Variants in HSF2 observed in about 807,000 individuals in gnomAD.
The protein encoded by HSF2 is heat shock factor protein 2.
In HSF2, 21 loss-of-function variants were observed where a neutral mutation model predicts 65.0. That is an observed-to-expected ratio of 0.32 (90% CI 0.23 to 0.47). HSF2 has a LOEUF of 0.47. Ranked by LOEUF, HSF2 falls within the 20% of genes least tolerant of loss-of-function variation. The probability of loss-of-function intolerance (pLI) is 1.00; values close to 1 mark genes in which losing one functional copy is unlikely to be tolerated. For missense variants in HSF2, 499 were observed against 628.1 expected (o/e 0.79, Z 2.20); for synonymous variants, 225 against 219.1 (o/e 1.03, Z -0.24).
chr6:122,420,049 G>C (rs1774199300), intron 6 of HSF2, 86 bp from the exon 7 acceptor site: 1 of 1,286,752 alleles, frequency 7.8e-7, no homozygotes, highest in African/African-American at 1.5e-5. Flanking sequence ...GAGTGTGCAT[G>C]TGTGTGTGTT....
At chr6:122,424,724 G>A (rs895168544) in intron 10 of HSF2, among the ~76,000 whole-genome samples, 10 of 151,778 alleles carry the variant, frequency 6.6e-5, no homozygotes, top group Admixed American at 5.3e-4. Flanking sequence ...TCAACTTAGC[G>A]GTAACCTGAC....
chr6:122,400,233 G>T (rs1773696068), intron 1 of HSF2, among the ~76,000 whole-genome samples: 1 of 152,158 alleles, frequency 6.6e-6, no homozygotes, highest in Non-Finnish European at 1.5e-5. Context: ...AGGGGACAGG[G>T]AGCCCAGGGC....
chr6:122,405,743 C>G (rs1773856137), intron 1 of HSF2, among the ~76,000 whole-genome samples: 2 of 152,184 alleles, frequency 1.3e-5, no homozygotes, highest in African/African-American at 4.8e-5. Flanking sequence ...TATGCCCAAT[C>G]TATTTACATA....
At chr6:122,404,878 G>C (rs1013107891) in intron 1 of HSF2, among the ~76,000 whole-genome samples, 7 of 152,208 alleles carry the variant, frequency 4.6e-5, no homozygotes, top group African/African-American at 1.7e-4. Context: ...TGAATAAGGA[G>C]TGTATGTGAG....
In HSF2 at chr6:122,422,285, T is replaced by A; in HGVS notation, c.817T>A (p.Ser273Thr). ...VIPETNEDVI[S>T]DPSNCSQYPD... is the part of the protein sequence containing the mutation. The stretch of plus-strand genomic sequence containing the variant: ...TCCAGAAACTAATGAGGATGTTATA[T>A]CTGATCCCTCCAAGTAAGGAGTTTG... The change falls in exon 8 of 13, where the codon TCT (serine) becomes ACT (threonine). Residue 273 changes from serine to threonine, a missense_variant. Physicochemically the swap from Ser to Thr is moderately conservative, Grantham distance 58. Coordinates refer to ENST00000368455, the MANE Select transcript of HSF2 (RefSeq NM_004506.4). 1 of 1,598,510 alleles carries A rather than the reference T, an allele frequency of 6.3e-7. No individual in the cohort carries two copies. Among genetic ancestry groups the A allele is most frequent in the Non-Finnish European group, 8.6e-7 (1 of 1,167,308 alleles).
chr6:122,425,476 C>G (rs1176777919), intron 10 of HSF2, among the ~76,000 whole-genome samples: 2 of 152,044 alleles, frequency 1.3e-5, no homozygotes, highest in Non-Finnish European at 2.9e-5. Context: ...AAGTTATTCT[C>G]TCTCGCCTAG....
At position 122,431,429 on chromosome 6, in the gene HSF2, G is replaced by A; in HGVS notation, c.1231-1G>A. 6.8e-7 allele frequency: 1 copy of A among 1,463,490 alleles called. No individual in the cohort carries two copies. Among genetic ancestry groups the A allele is most frequent in the South Asian group, 1.5e-5 (1 of 68,180 alleles). 90.7% of individuals were successfully genotyped at this position (1,463,490 alleles called of 1,614,324 possible). On this transcript the variant is annotated splice_acceptor_variant, in intron 11 of 12. Transcript: ENST00000368455. LOFTEE classifies it high-confidence loss of function. The stretch of plus-strand genomic sequence containing the variant: ...CTTATATATATATTTTTTTCTTTTA[G>A]TCTGAGAATAAAGGATTAGAAACTA...
chr6:122,432,567 A>G lies in HSF2; in HGVS notation c.*347A>G, dbSNP rs1039779496. 18 of 211,544 alleles carry G rather than the reference A, an allele frequency of 8.5e-5. No homozygotes were observed. The highest frequency in any genetic ancestry group is 1.4e-4 in the Non-Finnish European group (15 of 104,614). The allele number at this position is 211,544 out of a possible 1,614,324, so 13.1% of individuals were successfully genotyped here. Reference sequence around the variant, plus strand: ...TTTGTTTTCCTGTTTGATGCTGTCTATTTGCATTGAGTGTAAGTCATTTGA... The same window carrying G: ...TTTGTTTTCCTGTTTGATGCTGTCTGTTTGCATTGAGTGTAAGTCATTTGA... On this transcript the variant is annotated 3_prime_UTR_variant, in exon 13 of 13. Coordinates refer to ENST00000368455, the MANE Select transcript of HSF2 (RefSeq NM_004506.4).
At chr6:122,423,558 T>TA (rs757613766) in intron 9 of HSF2, 23 bp from the exon 10 acceptor site, 2 of 1,388,144 alleles carry the variant, frequency 1.4e-6, no homozygotes, top group South Asian at 2.7e-5. Flanking sequence ...AATATTTGAT[T>TA]AAAAAAATTT....
At chr6:122,431,791 G>A (rs769632438) in intron 12 of HSF2, 134 bp from the exon 13 acceptor site, 2 of 713,952 alleles carry the variant, frequency 2.8e-6, no homozygotes, top group South Asian at 3.9e-5. Context: ...TTGACATAGT[G>A]CATCATGTCA....
intron 11 of HSF2, among the ~76,000 whole-genome samples, chr6:122,429,834 A>T (rs1774422308): frequency 6.6e-6 from 1 of 152,212 alleles, no homozygotes; most frequent in South Asian, 2.1e-4. Context: ...ATGTTGAACC[A>T]GCCTTACATC....
rs1774487917 is a variant in HSF2, at chr6:122,432,160, T to A, written c.1551T>A (p.Phe517Leu). Residue 517 changes from phenylalanine (F) to leucine (L), a missense_variant, in exon 13 of 13, where the codon TTT becomes TTA. Coordinates refer to ENST00000368455, the MANE Select transcript of HSF2 (RefSeq NM_004506.4). Reference protein sequence around the residue: ...TEAEASEATLFYLCELAPAPL... With the variant: ...TEAEASEATLLYLCELAPAPL... Reference sequence around the variant, plus strand: ...CTGAAGCTAGTGAAGCTACACTGTTTTATTTATGTGAACTTGCTCCTGCAC... The same window carrying A: ...CTGAAGCTAGTGAAGCTACACTGTTATATTTATGTGAACTTGCTCCTGCAC... 6.2e-7 allele frequency: 1 copy of A among 1,614,112 alleles called. No individual in the cohort carries two copies. The highest frequency in any genetic ancestry group is 1.3e-5 in the African/African-American group (1 of 75,044).
In HSF2 at chr6:122,412,746, G is replaced by A. The variant is rs1294254500; in HGVS notation, c.312G>A (p.Leu104=). 7 of 1,612,894 alleles carry A rather than the reference G, an allele frequency of 4.3e-6. No homozygotes were observed. The Admixed American group carries it at 1.0e-4, about 23-fold the overall frequency. ...PYFKQGQDDL[L]ENIKRKVSSS... ...TCAAACAAGGACAGGATGACTTGTT[G>A]GAGAACATTAAAAGGAAGGTGAGCT... The change falls in exon 3 of 13, where the codon TTG becomes TTA. Residue 104 remains leucine, a synonymous_variant. Coordinates refer to ENST00000368455, the MANE Select transcript of HSF2 (RefSeq NM_004506.4).
Position 122,420,155 on chromosome 6 carries a change from A to G in HSF2, c.614A>G (p.Asn205Ser), listed in dbSNP as rs146447456. The G allele has an allele frequency of 6.2e-6, 10 of 1,610,952 alleles. No individual in the cohort carries two copies. Among genetic ancestry groups the G allele is most frequent in the Non-Finnish European group, 8.5e-6 (10 of 1,178,294 alleles). ...TTCAGGCCTCTACTTCTAAACACTA[A>G]TGGAGCCCAAAAGAAGAACCTGTTT... ...KRKRPLLLNT[N>S]GAQKKNLFQH... The change falls in exon 7 of 13, where the codon AAT becomes AGT. Residue 205 changes from asparagine to serine, a missense_variant. Physicochemically the swap from Asn to Ser is conservative, Grantham distance 46. Transcript: ENST00000368455.
rs763844361 is a variant in HSF2, at chr6:122,422,134, C to A, written c.682-16C>A. The A allele has an allele frequency of 2.0e-6, 3 of 1,534,574 alleles. No homozygotes were observed. The highest frequency in any genetic ancestry group is 2.6e-6 in the Non-Finnish European group (3 of 1,136,990). On this transcript the variant is annotated splice_polypyrimidine_tract_variant and intron_variant, in intron 7 of 12. Transcript: ENST00000368455. The stretch of plus-strand genomic sequence containing the variant: ...GATTTTGATTTTTAGATATATTTTT[C>A]TCTCTGAATTTTTAGGTTCCACACA...
chr6:122,399,877 C>T (rs749808697), intron 1 of HSF2, 47 bp downstream of exon 1: 27 of 1,374,434 alleles, frequency 2.0e-5, no homozygotes, highest in Non-Finnish European at 2.8e-5. Flanking sequence ...ATAACCGCCT[C>T]CTCACTCGCT....
chr6:122,431,146 C>A (rs1472515617), intron 11 of HSF2, among the ~76,000 whole-genome samples: 1 of 152,048 alleles, frequency 6.6e-6, no homozygotes, highest in Non-Finnish European at 1.5e-5. Flanking sequence ...TTACTCGTGA[C>A]AAATTCTATC....
Position 122,431,848 on chromosome 6 carries a change from T to G in HSF2, c.1316-77T>G, listed in dbSNP as rs914460723. On this transcript the variant is annotated intron_variant, in intron 12 of 12. Transcript: ENST00000368455. Reference sequence around the variant, plus strand: ...AGTAGTAATTGCCTATGTGTACATCTCTGTTTTCATTTTTTTCCCCTCAGC... The same window carrying G: ...AGTAGTAATTGCCTATGTGTACATCGCTGTTTTCATTTTTTTCCCCTCAGC... The G allele has an allele frequency of 7.3e-5, 94 of 1,290,844 alleles. 1 individual carries two copies. Among genetic ancestry groups the G allele is most frequent in the Admixed American group, 3.9e-4 (19 of 48,112 alleles). The allele number at this position is 1,290,844 out of a possible 1,614,324, so 80.0% of individuals were successfully genotyped here.
intron 1 of HSF2, among the ~76,000 whole-genome samples, chr6:122,408,216 G>T (rs1315885387): frequency 2.0e-5 from 3 of 151,844 alleles, no homozygotes; most frequent in African/African-American, 7.3e-5. Context: ...CCTGTCTTCT[G>T]CTGTCTTAAT....
Sources: allele counts gnomAD v4.1 joint callset (sites outside exome capture counted in the v4.1 genomes callset), GRCh38; gene constraint gnomAD v4.1.1; transcripts MANE v1.5; gene names NCBI Gene and HGNC (gene_info 2026-07-23, HGNC 2026-07-21).